Variants in PXDNL observed in about 807,000 individuals in gnomAD.
The protein encoded by PXDNL is peroxidasin like, also known as probable oxidoreductase PXDNL.
Under a neutral mutation model 150.8 loss-of-function variants are expected in PXDNL, and 145 were observed. The ratio of observed to expected loss-of-function variants is 0.96; its 90% confidence interval spans 0.84 to 1.10. The LOEUF is 1.10. PXDNL is among the 50% of genes least tolerant of loss of function. The probability of loss-of-function intolerance (pLI) is 0.00; values close to 1 mark genes in which losing one functional copy is unlikely to be tolerated. For missense variants in PXDNL, 2,087 were observed against 1,873.9 expected (o/e 1.11, Z -2.10); for synonymous variants, 757 against 725.7 (o/e 1.04, Z -0.69).
intron 17 of PXDNL, among the ~76,000 whole-genome samples, chr8:51,374,958 C>G (rs899211761): frequency 6.6e-6 from 1 of 152,082 alleles, no homozygotes; most frequent in Non-Finnish European, 1.5e-5. Context: ...ACATATGACA[C>G]CAAGCCTCAT....
intron 5 of PXDNL, among the ~76,000 whole-genome samples, chr8:51,488,749 T>C (rs1473022089): frequency 2.0e-5 from 3 of 152,178 alleles, no homozygotes; most frequent in Non-Finnish European, 4.4e-5. Context: ...ATGCTATTAA[T>C]TTCAAATATC....
intron 1 of PXDNL, among the ~76,000 whole-genome samples, chr8:51,731,947 C>A (rs1193194488): frequency 6.6e-6 from 1 of 152,152 alleles, no homozygotes; most frequent in Admixed American, 6.5e-5. Context: ...GCTGTGGAGA[C>A]CTCAGACATG....
chr8:51,395,190 A>C (rs1401327958), intron 17 of PXDNL, among the ~76,000 whole-genome samples: 1 of 152,194 alleles, frequency 6.6e-6, no homozygotes, highest in Non-Finnish European at 1.5e-5. Flanking sequence ...GTGTGCATAA[A>C]GTGTGTGTGC....
intron 1 of PXDNL, among the ~76,000 whole-genome samples, chr8:51,787,470 C>T (rs1382659831): frequency 1.3e-5 from 2 of 152,244 alleles, no homozygotes; most frequent in African/African-American, 2.4e-5. Context: ...TTTTAACCCT[C>T]GGGGATGACT....
chr8:51,782,732 C>T (rs946598485), intron 1 of PXDNL, among the ~76,000 whole-genome samples: 4 of 152,208 alleles, frequency 2.6e-5, no homozygotes, highest in Admixed American at 6.5e-5. Context: ...TTCCAACCAA[C>T]GTCTCCAAGT....
chr8:51,469,907 T>G (rs1173611742), intron 8 of PXDNL, among the ~76,000 whole-genome samples: 1 of 152,104 alleles, frequency 6.6e-6, no homozygotes, highest in Admixed American at 6.5e-5. Context: ...TGACAGACAT[T>G]TTTACCCATA....
At chr8:51,377,948 C>T (rs12550699) in intron 17 of PXDNL, among the ~76,000 whole-genome samples, 18,460 of 152,252 alleles carry the variant, frequency 0.12, 1,442 homozygotes, top group Middle Eastern at 0.25. Flanking sequence ...CCTGCAGCCC[C>T]GTGCGGTATC....
chr8:51,700,182 CA>C (rs1339039350), intron 1 of PXDNL, among the ~76,000 whole-genome samples: 12 of 151,336 alleles, frequency 7.9e-5, no homozygotes, highest in African/African-American at 2.2e-4. Flanking sequence ...CACACACACA[CA>C]CACACACACA....
chr8:51,578,804 T>C (rs4501568), intron 3 of PXDNL, among the ~76,000 whole-genome samples: 72,124 of 151,706 alleles, frequency 0.48, 21,435 homozygotes, highest in African/African-American at 0.84. Flanking sequence ...GAAATAGACC[T>C]GCAAAATATA....
At position 51,483,654 on chromosome 8, in the gene PXDNL, T is replaced by C. The variant is rs1453100877; in HGVS notation, c.513A>G (p.Ser171=). ...TTGCTTTCACTTACAATCTTTTTAATGAATCCAGATTAGAAAAGCTCCCAG... is the reference window on the plus strand; with the variant it reads ...TTGCTTTCACTTACAATCTTTTTAACGAATCCAGATTAGAAAAGCTCCCAG... ...IPAGSFSNLD[S]LKRLRLDSNA... The change falls in exon 6 of 23, where the codon TCA becomes TCG. Residue 171 remains serine (S), a synonymous_variant. Transcript: ENST00000356297. The C allele has an allele frequency of 9.9e-6, 15 of 1,518,074 alleles. No individual in the cohort carries two copies. In the Admixed American group the frequency reaches 3.0e-4, roughly 30 times the overall value. 94.0% of individuals were successfully genotyped at this position (1,518,074 alleles called of 1,614,324 possible). A position where few individuals can be genotyped will look rare whatever the true frequency, so the allele number is the denominator to read the frequency against.
At chr8:51,345,519 T>C (rs937618345) in intron 20 of PXDNL, among the ~76,000 whole-genome samples, 4 of 152,222 alleles carry the variant, frequency 2.6e-5, no homozygotes, top group Non-Finnish European at 4.4e-5. Context: ...CTGTTTCATA[T>C]TTTCAAAAAG....
At chr8:51,790,177 A>AT (rs5891433) in intron 1 of PXDNL, among the ~76,000 whole-genome samples, 146,217 of 151,824 alleles carry the variant, frequency 0.96, 70,502 homozygotes, top group East Asian at 1. Flanking sequence ...GAACAAGTCA[A>AT]TTTTTTTCAT....
At chr8:51,417,663 G>T (rs994360909) in intron 14 of PXDNL, among the ~76,000 whole-genome samples, 2 of 152,002 alleles carry the variant, frequency 1.3e-5, no homozygotes. Context: ...TGTAACTATC[G>T]TAACCAAATA....
chr8:51,806,767 C>T (rs907865772), intron 1 of PXDNL, among the ~76,000 whole-genome samples: 1 of 152,098 alleles, frequency 6.6e-6, no homozygotes, highest in African/African-American at 2.4e-5. Context: ...AAACTATGGC[C>T]CAAATCCCCA....
chr8:51,626,956 G>A (rs952442200), intron 2 of PXDNL, among the ~76,000 whole-genome samples: 2 of 152,108 alleles, frequency 1.3e-5, no homozygotes, highest in Admixed American at 1.3e-4. Context: ...TCTTGAGGTT[G>A]CCCAGTCATA....
chr8:51,590,838 A>G (rs1012508304), intron 3 of PXDNL, among the ~76,000 whole-genome samples: 1 of 152,042 alleles, frequency 6.6e-6, no homozygotes, highest in African/African-American at 2.4e-5. Context: ...TGGACTTTTG[A>G]GTTTGTGCTA....
At chr8:51,763,519 C>T (rs533828754) in intron 1 of PXDNL, among the ~76,000 whole-genome samples, 2 of 152,180 alleles carry the variant, frequency 1.3e-5, no homozygotes, top group Admixed American at 6.5e-5. Flanking sequence ...GGACGCAGGA[C>T]CCCAGAAGTA....
intron 19 of PXDNL, among the ~76,000 whole-genome samples, chr8:51,355,560 C>T (rs1806482290): frequency 6.6e-6 from 1 of 152,232 alleles, no homozygotes; most frequent in South Asian, 2.1e-4. Context: ...GGAAACATCC[C>T]ACCTGCCTTA....
intron 4 of PXDNL, 93 bp from the exon 5 acceptor site, chr8:51,499,863 A>G (rs993087300): frequency 2.5e-6 from 2 of 813,422 alleles, no homozygotes; most frequent in Non-Finnish European, 4.3e-6. Context: ...TGAAATTATG[A>G]ATTTCACTGG....
Sources: gnomAD v4.1 joint callset for allele counts (sites outside exome capture counted in the v4.1 genomes callset) on GRCh38, gnomAD v4.1.1 for gene constraint, MANE v1.5 for transcripts, NCBI Gene and HGNC (gene_info 2026-07-23, HGNC 2026-07-21) for gene names.